NEB: variants seen among roughly 807,000 people sequenced by gnomAD.
NEB encodes the protein nebulin, also known as nemaline myopathy type 2.
NEB carries 512 observed loss-of-function variants against 952.2 expected under a neutral mutation model. That is an observed-to-expected ratio of 0.54 (90% CI 0.50 to 0.58). The LOEUF (loss-of-function observed/expected upper bound fraction) is 0.58, where lower values mean the gene tolerates loss of function less well. Among genes scored for constraint, NEB ranks in the 20% least tolerant of loss-of-function variants. The pLI, the probability that NEB is intolerant of heterozygous loss-of-function variation, is 0.00. For synonymous variants in NEB, 2,900 were observed against 3,149.8 expected (o/e 0.92, Z 2.66); for missense variants, 8,428 against 9,231.1 (o/e 0.91, Z 3.56).
intron 136 of NEB, 37 bp downstream of exon 136, chr2:151,541,410 A>G (rs776239930): frequency 1.1e-5 from 17 of 1,523,328 alleles, no homozygotes; most frequent in Admixed American, 3.5e-5. Context: ...ACCCCCTGTG[A>G]TGCCTGAGTG....
intron 13 of NEB, among the ~76,000 whole-genome samples, chr2:151,699,814 G>A (rs1487469855): frequency 2.0e-5 from 3 of 150,192 alleles, no homozygotes; most frequent in Admixed American, 2.0e-4. Context: ...TTTGTAGGTT[G>A]CCTGTTCACT....
intron 170 of NEB, chr2:151,497,972 G>A: frequency 1.4e-6 from 2 of 1,435,126 alleles, no homozygotes; most frequent in Non-Finnish European, 9.1e-7. Context: ...TGTGAGTACG[G>A]TGCCTCCTAA....
intron 92 of NEB, among the ~76,000 whole-genome samples, chr2:151,595,642 A>T (rs1386839902): frequency 2.3e-5 from 2 of 87,668 alleles, no homozygotes; most frequent in Non-Finnish European, 2.1e-5. Flanking sequence ...AAGATTACTA[A>T]GAGTATTCTA....
At chr2:151,708,029 C>T (rs2099722836) in intron 12 of NEB, among the ~76,000 whole-genome samples, 1 of 152,210 alleles carries the variant, frequency 6.6e-6, no homozygotes, top group Non-Finnish European at 1.5e-5. Flanking sequence ...ACACAGCCTT[C>T]TCCCCTGTTA....
rs770121669 is a variant in NEB at position 151,625,520 on chromosome 2, A to G, written c.10452+14T>C. The G allele has an allele frequency of 3.7e-5, 58 of 1,551,090 alleles. No individual in the cohort carries two copies. In the East Asian group the frequency reaches 1.3e-3, roughly 35 times the overall value. The stretch of plus-strand genomic sequence containing the variant: ...AATGTGGCCAGACCAAAGAAATAAA[A>G]CAAATGATCTTACCTCACTATAATT... On this transcript the variant is annotated intron_variant, in intron 71 of 181. Transcript: ENST00000397345.
rs781118987 is a variant in NEB at position 151,675,382 on chromosome 2, T to C, written c.3784A>G (p.Lys1262Glu). The C allele has an allele frequency of 1.9e-5, 30 of 1,567,706 alleles. No individual in the cohort carries two copies. The highest frequency in any genetic ancestry group is 5.6e-5 in the Admixed American group (3 of 54,024). ...TGTTTCACATCTTCTCCTTTAGCCT[T>C]GTATAAGATCTGCAATAAAATGCAT... ...NTKQVSDILYKAKGEDVKHKY... is the reference protein window; with the variant it reads ...NTKQVSDILYEAKGEDVKHKY... Residue 1262 changes from lysine to glutamate, a missense_variant, in exon 35 of 182, where the codon AAG becomes GAG. Around this residue, in one of 11 missense-constraint regions of NEB, gnomAD observed 2,851 missense variants for 2,791.5 expected, o/e 1.02. Coordinates refer to ENST00000397345, the MANE Select transcript of NEB (RefSeq NM_001164508.2).
chr2:151,656,500 T>C, intron 48 of NEB, 36 bp from the exon 49 acceptor site: 1 of 1,374,486 alleles, frequency 7.3e-7, no homozygotes, highest in Non-Finnish European at 9.7e-7. Flanking sequence ...ACAGAGCAAT[T>C]CCTTTGACTA....
rs1405573164 is a variant in NEB at position 151,614,276 on chromosome 2, A to T, written c.11601T>A (p.Asp3867Glu). The T allele has an allele frequency of 6.2e-7, 1 of 1,612,258 alleles. No homozygotes were observed. Reference protein sequence around the residue: ...QARKAYDLQSDAIYKSDLEWL... With the variant: ...QARKAYDLQSEAIYKSDLEWL... ...ACTGAAGAATATTAGAGCCACTCAC[A>T]TCACTCTGCAGGTCATAGGCCTTCC... Residue 3867 changes from aspartate (D) to glutamate (E), a missense_variant and splice_region_variant, in exon 77 of 182, where the codon GAT (aspartate) becomes GAA (glutamate). Physicochemically the swap from Asp to Glu is conservative, Grantham distance 45. This residue lies in a region of NEB where 337 missense variants were observed against 297.5 expected (regional missense o/e 1.13). Coordinates refer to ENST00000397345, the MANE Select transcript of NEB (RefSeq NM_001164508.2).
Position 151,617,436 on chromosome 2 carries a change from C to G in NEB, c.11109G>C (p.Lys3703Asn). Reference protein sequence around the residue: ...RLYTEAWDNDKKTIHVMPDTP... With the variant: ...RLYTEAWDNDNKTIHVMPDTP... Reference sequence around the variant, plus strand: ...TATCAGGCATGACATGAATAGTTTTCTTGTCATTGTCCCAGGCTTCAGTAT... The same window carrying G: ...TATCAGGCATGACATGAATAGTTTTGTTGTCATTGTCCCAGGCTTCAGTAT... Residue 3703 changes from lysine to asparagine, a missense_variant, in exon 75 of 182, where the codon AAG (lysine) becomes AAC (asparagine). By Grantham distance (94) the Lys-to-Asn change is moderately conservative. Coordinates refer to ENST00000397345, the MANE Select transcript of NEB (RefSeq NM_001164508.2). 1 of 1,530,150 alleles carries G rather than the reference C, an allele frequency of 6.5e-7. No homozygotes were observed. The highest frequency in any genetic ancestry group is 8.8e-7 in the Non-Finnish European group (1 of 1,135,822). The allele number at this position is 1,530,150 out of a possible 1,614,324, so 94.8% of individuals were successfully genotyped here. A position where few individuals can be genotyped will look rare whatever the true frequency, so the allele number is the denominator to read the frequency against.
At chr2:151,711,423 C>T (rs977231079) in intron 10 of NEB, among the ~76,000 whole-genome samples, 1 of 152,126 alleles carries the variant, frequency 6.6e-6, no homozygotes, top group African/African-American at 2.4e-5. Flanking sequence ...CCCACAATAC[C>T]CTTTAAGGAA....
intron 173 of NEB, 35 bp from the exon 174 acceptor site, chr2:151,494,288 GAA>G (rs778555481): frequency 4.3e-6 from 6 of 1,404,868 alleles, no homozygotes; most frequent in Middle Eastern, 1.7e-4. Context: ...AAGCCAAAAA[GAA>G]AAAGAGTTAA....
Position 151,533,512 on chromosome 2 carries a change from T to C in NEB, c.21347A>G (p.Gln7116Arg), listed in dbSNP as rs1329937596. 6.4e-7 allele frequency: 1 copy of C among 1,551,462 alleles called. No homozygotes were observed. Among genetic ancestry groups the C allele is most frequent in the Non-Finnish European group, 8.7e-7 (1 of 1,146,778 alleles). ...KYKSSAKMFL[Q>R]HGCNEILRPD... ...ACGCAGAATTTCATTACATCCATGT[T>C]GCAGAAACATCTTGGCACTAGATTT... is the stretch of plus-strand genomic sequence containing the variant. The change falls in exon 143 of 182, where the codon CAA becomes CGA. Residue 7116 changes from glutamine (Q) to arginine (R), a missense_variant. Transcript: ENST00000397345.
intron 10 of NEB, among the ~76,000 whole-genome samples, chr2:151,712,831 G>A (rs1051480079): frequency 2.6e-5 from 4 of 152,090 alleles, no homozygotes; most frequent in South Asian, 2.1e-4. Context: ...ACATGGAGAC[G>A]GGTTACTCAC....
chr2:151,629,136 T>G (rs1018209192), intron 68 of NEB, among the ~76,000 whole-genome samples: 2 of 152,202 alleles, frequency 1.3e-5, no homozygotes, highest in Non-Finnish European at 2.9e-5. Context: ...TTCCTAGACT[T>G]GGTTCTATCA....
chr2:151,670,449 G>GACATACAGACGTGTCTCAGAATGAA (rs1474523865), intron 38 of NEB, among the ~76,000 whole-genome samples: 2 of 105,252 alleles, frequency 1.9e-5, no homozygotes, highest in Admixed American at 1.6e-4. Flanking sequence ...CTCAGAATGA[G>GACATACAGACGTGTCTCAGAATGAA]ACATACAGAC....
At chr2:151,704,869 C>T (rs546500075) in intron 13 of NEB, among the ~76,000 whole-genome samples, 6 of 152,274 alleles carry the variant, frequency 3.9e-5, no homozygotes, top group South Asian at 2.1e-4. Context: ...TGTTCCTATT[C>T]GGCCATCTTG....
At chr2:151,495,294 G>A (rs1033889293) in intron 173 of NEB, 6 of 152,164 alleles carry the variant, frequency 3.9e-5, no homozygotes, top group African/African-American at 1.4e-4. Context: ...TGTTGAAATA[G>A]TGATTCTCAA....
chr2:151,566,202 C>T lies in NEB; in HGVS notation c.18157-382G>A, dbSNP rs537884087. On this transcript the variant is annotated intron_variant, in intron 114 of 181. Coordinates refer to ENST00000397345, the MANE Select transcript of NEB (RefSeq NM_001164508.2). ...TAGATGGATTTGATACATTTAGTCA[C>T]GTAGAAGTATGTGGGGCATTTAGAC... 3.4e-4 allele frequency among the ~76,000 whole-genome samples: 51 copies of T among 152,232 alleles called. No individual in the cohort carries two copies. In the South Asian group the frequency reaches 0.01, roughly 30 times the overall value.
chr2:151,679,667 A>AACCCCCCCCC, intron 32 of NEB, 54 bp downstream of exon 32: 1 of 486,372 alleles, frequency 2.1e-6, no homozygotes, highest in East Asian at 5.0e-5. Flanking sequence ...TCAGACCCCA[A>AACCCCCCCCC]GCCCACCCAC....
Sources: allele counts gnomAD v4.1 joint callset (sites outside exome capture counted in the v4.1 genomes callset), GRCh38; gene constraint gnomAD v4.1.1; regional missense constraint gnomAD v4.1.1; transcripts MANE v1.5; gene names NCBI Gene and HGNC (gene_info 2026-07-23, HGNC 2026-07-21).